Variants in DNAH17 observed in about 807,000 individuals in gnomAD.
DNAH17 encodes the protein dynein axonemal heavy chain 17.
In DNAH17, 376 loss-of-function variants were observed where a neutral mutation model predicts 485.6. The observed-to-expected ratio is 0.77, with a 90% confidence interval of 0.71 to 0.84. The LOEUF (loss-of-function observed/expected upper bound fraction) is 0.84. DNAH17 is among the 40% of genes least tolerant of loss of function. The pLI is 0.00. For synonymous variants in DNAH17, 3,031 were observed against 2,405.9 expected (o/e 1.26, Z -7.60); for missense variants, 6,370 against 5,839.3 (o/e 1.09, Z -2.96).
intron 48 of DNAH17, among the ~76,000 whole-genome samples, chr17:78,484,533 C>T (rs1257368330): frequency 6.6e-6 from 1 of 150,944 alleles, no homozygotes; most frequent in African/African-American, 2.4e-5. Flanking sequence ...TTCTTCCTCT[C>T]CCGGCGGGAC....
At chr17:78,539,984 C>T (rs562405207) in intron 17 of DNAH17, 104 bp from the exon 18 acceptor site, 60 of 1,199,898 alleles carry the variant, frequency 5.0e-5, no homozygotes, top group African/African-American at 3.1e-4. Flanking sequence ...GTTCACACGC[C>T]GGACACACGG....
At chr17:78,570,152 C>T (rs1009115339) in intron 7 of DNAH17, 95 bp downstream of exon 7, 27 of 1,399,416 alleles carry the variant, frequency 1.9e-5, no homozygotes, top group Non-Finnish European at 2.6e-5. Flanking sequence ...TGCTTTCAAA[C>T]TGCTGGGGAA....
intron 57 of DNAH17, among the ~76,000 whole-genome samples, chr17:78,462,583 G>A (rs889296834): frequency 1.3e-5 from 2 of 152,200 alleles, no homozygotes; most frequent in African/African-American, 4.8e-5. Flanking sequence ...CACCCGACAT[G>A]GGGCAGGTGC....
chr17:78,474,330 A>C (rs1478065691), intron 54 of DNAH17, among the ~76,000 whole-genome samples: 2 of 152,272 alleles, frequency 1.3e-5, no homozygotes, highest in South Asian at 2.1e-4. Context: ...TTTCAGGTCT[A>C]ATCTCAAGCA....
intron 2 of DNAH17, among the ~76,000 whole-genome samples, chr17:78,573,502 G>A (rs2092388850): frequency 6.6e-6 from 1 of 151,708 alleles, no homozygotes; most frequent in Non-Finnish European, 1.5e-5. Flanking sequence ...GGGAGGCTGA[G>A]GCAAGAGAAT....
In DNAH17 at chr17:78,561,897, C is replaced by T. The variant is rs1190754545; in HGVS notation, c.1653G>A (p.Leu551=). ...TAGCATTGTCTAGCTCAGCGTCAAA[C>T]AGCTCCAGCATGACTGAATACCTGG... ...VAPRYSVMLE[L]FDAELDNAKI... is the part of the protein sequence containing the mutation. The change falls in exon 12 of 81, where the codon CTG becomes CTA. Residue 551 remains leucine, a synonymous_variant. Transcript: ENST00000389840. The T allele has an allele frequency of 6.2e-7, 1 of 1,613,780 alleles. No homozygotes were observed. Among genetic ancestry groups the T allele is most frequent in the Non-Finnish European group, 8.5e-7 (1 of 1,179,860 alleles).
intron 46 of DNAH17, 51 bp downstream of exon 46, chr17:78,485,909 G>T: frequency 6.3e-7 from 1 of 1,595,028 alleles, no homozygotes; most frequent in South Asian, 1.1e-5. Context: ...GTACTGCACC[G>T]ATTCCTGCCT....
At position 78,485,975 on chromosome 17, in the gene DNAH17, G is replaced by A. The variant is rs770259130; in HGVS notation, c.7260C>T (p.Pro2420=). 20 of 1,612,384 alleles carry A rather than the reference G, an allele frequency of 1.2e-5. No homozygotes were observed. The highest frequency in any genetic ancestry group is 6.7e-5 in the Admixed American group (4 of 59,920). ...TDKVPSFELD[P]DVPLQASLVH... is the part of the protein sequence containing the mutation. Reference sequence around the variant, plus strand: ...GGACAGTTACCTGCAGTGGGACATCGGGATCCAGCTCAAAGGAGGGCACTT... The same window carrying A: ...GGACAGTTACCTGCAGTGGGACATCAGGATCCAGCTCAAAGGAGGGCACTT... The change falls in exon 46 of 81, where the codon CCC becomes CCT. Residue 2420 remains proline (P), a synonymous_variant. Transcript: ENST00000389840.
At chr17:78,529,718 T>C (rs765422912) in intron 21 of DNAH17, 24 bp from the exon 22 acceptor site, 5 of 1,611,314 alleles carry the variant, frequency 3.1e-6, no homozygotes, top group Non-Finnish European at 4.2e-6. Context: ...GGACCATTTG[T>C]GTGGCCCCAG....
chr17:78,553,281 G>GTTT (rs2091944110), intron 14 of DNAH17, among the ~76,000 whole-genome samples: 1 of 42,092 alleles, frequency 2.4e-5, no homozygotes, highest in Non-Finnish European at 4.3e-5. Flanking sequence ...CCAGGTTTTT[G>GTTT]TGTTTTTTTT....
intron 71 of DNAH17, among the ~76,000 whole-genome samples, chr17:78,442,612 A>T (rs138145473): frequency 6.6e-6 from 1 of 152,318 alleles, no homozygotes; most frequent in Non-Finnish European, 1.5e-5. Context: ...GGATGAATTA[A>T]TGATGCAGAA....
chr17:78,546,299 A>C (rs1160300073), intron 16 of DNAH17, among the ~76,000 whole-genome samples: 1 of 152,224 alleles, frequency 6.6e-6, no homozygotes, highest in Non-Finnish European at 1.5e-5. Flanking sequence ...CCTACTTGTC[A>C]ATCATTTTAT....
At chr17:78,461,128 G>GC (rs973525292) in intron 58 of DNAH17, among the ~76,000 whole-genome samples, 1 of 152,042 alleles carries the variant, frequency 6.6e-6, no homozygotes, top group African/African-American at 2.4e-5. Context: ...CTCGGGGGGG[G>GC]CCCGGAGCCG....
intron 21 of DNAH17, 55 bp downstream of exon 21, chr17:78,530,288 T>G (rs2143297971): frequency 6.6e-7 from 1 of 1,506,992 alleles, no homozygotes; most frequent in Non-Finnish European, 8.9e-7. Context: ...GGAAGGCCAC[T>G]CCCTGGTGCT....
chr17:78,497,245 G>A (rs958470478), intron 37 of DNAH17, among the ~76,000 whole-genome samples: 2 of 152,242 alleles, frequency 1.3e-5, no homozygotes, highest in Non-Finnish European at 2.9e-5. Flanking sequence ...GAAACCTGCA[G>A]AAGACAGCTG....
intron 69 of DNAH17, among the ~76,000 whole-genome samples, chr17:78,446,103 G>A (rs192720942): frequency 2.3e-4 from 32 of 138,476 alleles, no homozygotes; most frequent in Admixed American, 5.8e-4. Flanking sequence ...GAACCTGGGA[G>A]GCAGAGGTTA....
intron 42 of DNAH17, among the ~76,000 whole-genome samples, chr17:78,492,043 G>C (rs1411796972): frequency 6.6e-6 from 1 of 152,232 alleles, no homozygotes; most frequent in East Asian, 1.9e-4. Flanking sequence ...CAGCGAAGGG[G>C]GACAGGGAAA....
intron 51 of DNAH17, among the ~76,000 whole-genome samples, chr17:78,478,571 A>G (rs569986844): frequency 3.1e-4 from 47 of 151,598 alleles, no homozygotes; most frequent in African/African-American, 1.0e-3. Context: ...CATCATGACC[A>G]TCACCATTAC....
rs771929306 is a variant in DNAH17 at position 78,427,125 on chromosome 17, G to C, written c.12589-17C>G. ...GGCCTTCACCTGGAAGCCAGTCCCCGGACAGCCCCTGTCACTGCAAAGAGC... is the reference window on the plus strand; with the variant it reads ...GGCCTTCACCTGGAAGCCAGTCCCCCGACAGCCCCTGTCACTGCAAAGAGC... On this transcript the variant is annotated splice_polypyrimidine_tract_variant and intron_variant, in intron 77 of 80. Transcript: ENST00000389840. The C allele has an allele frequency of 1.9e-6, 3 of 1,560,130 alleles. No individual in the cohort carries two copies. Among genetic ancestry groups the C allele is most frequent in the Non-Finnish European group, 2.6e-6 (3 of 1,152,330 alleles).
Sources: allele counts gnomAD v4.1 joint callset (sites outside exome capture counted in the v4.1 genomes callset), GRCh38; gene constraint gnomAD v4.1.1; transcripts MANE v1.5; gene names NCBI Gene and HGNC (gene_info 2026-07-23, HGNC 2026-07-21).